DPYD: variants seen among roughly 807,000 people sequenced by gnomAD.
DPYD encodes dihydropyrimidine dehydrogenase [NADP(+)].
DPYD carries 109 observed loss-of-function variants against 116.2 expected under a neutral mutation model. That is an observed-to-expected ratio of 0.94 (90% CI 0.80 to 1.10). The LOEUF is 1.10. DPYD is among the 50% of genes least tolerant of loss of function. DPYD has a pLI of 0.00. For synonymous variants in DPYD, 440 were observed against 432.0 expected (o/e 1.02, Z -0.23); for missense variants, 1,302 against 1,254.5 (o/e 1.04, Z -0.57).
intron 19 of DPYD, among the ~76,000 whole-genome samples, chr1:97,207,151 A>C (rs1415753037): frequency 6.6e-6 from 1 of 152,118 alleles, no homozygotes; most frequent in African/African-American, 2.4e-5. Context: ...AAATAAAAAT[A>C]TTGTAATAGT....
chr1:97,146,806 A>AAT (rs1211044542), intron 20 of DPYD, among the ~76,000 whole-genome samples: 1 of 152,194 alleles, frequency 6.6e-6, no homozygotes, highest in Admixed American at 6.5e-5. Context: ...TTGGATGGTA[A>AAT]ATATGAATAT....
intron 14 of DPYD, among the ~76,000 whole-genome samples, chr1:97,397,915 G>T (rs967078181): frequency 5.9e-5 from 9 of 151,322 alleles, no homozygotes; most frequent in Non-Finnish European, 1.3e-4. Context: ...AAGAGTATTT[G>T]TAGTTTTACA....
At chr1:97,673,626 A>G (rs377440230) in intron 8 of DPYD, among the ~76,000 whole-genome samples, 68 of 152,290 alleles carry the variant, frequency 4.5e-4, no homozygotes, top group African/African-American at 1.6e-3. Context: ...GGTGGAAACA[A>G]ACATGTAACT....
chr1:97,208,728 A>G (rs1223348571), intron 19 of DPYD, among the ~76,000 whole-genome samples: 1 of 152,172 alleles, frequency 6.6e-6, no homozygotes. Context: ...CAATTATCAA[A>G]CAAAATTGTT....
chr1:97,245,509 A>G (rs1012898725), intron 18 of DPYD, among the ~76,000 whole-genome samples: 57 of 152,128 alleles, frequency 3.7e-4, no homozygotes, highest in African/African-American at 1.4e-3. Flanking sequence ...ACTTGAAGTA[A>G]TATTTCTCAT....
intron 20 of DPYD, among the ~76,000 whole-genome samples, chr1:97,179,208 A>G (rs989141317): frequency 6.6e-6 from 1 of 152,100 alleles, no homozygotes; most frequent in Non-Finnish European, 1.5e-5. Flanking sequence ...CTGTATCTCA[A>G]TAAAGATTAT....
At chr1:97,391,898 T>C (rs934828986) in intron 14 of DPYD, among the ~76,000 whole-genome samples, 1 of 152,036 alleles carries the variant, frequency 6.6e-6, no homozygotes, top group African/African-American at 2.4e-5. Flanking sequence ...TGATCATATG[T>C]CTGTTTCTTT....
At chr1:97,560,303 A>T (rs1652050011) in intron 11 of DPYD, among the ~76,000 whole-genome samples, 1 of 152,238 alleles carries the variant, frequency 6.6e-6, no homozygotes, top group Non-Finnish European at 1.5e-5. Flanking sequence ...CCAAGTAAAG[A>T]GGTAAATTCA....
intron 14 of DPYD, among the ~76,000 whole-genome samples, chr1:97,395,637 TG>T (rs1224518891): frequency 6.6e-6 from 1 of 152,056 alleles, no homozygotes; most frequent in Non-Finnish European, 1.5e-5. Flanking sequence ...TGTTCCCTCC[TG>T]GTTTCCATGC....
At chr1:97,125,577 G>A (rs1036630079) in intron 20 of DPYD, among the ~76,000 whole-genome samples, 1 of 152,060 alleles carries the variant, frequency 6.6e-6, no homozygotes, top group Admixed American at 6.6e-5. Flanking sequence ...AATTGCTATG[G>A]TCTGACTGTG....
chr1:97,634,276 A>G (rs983937349), intron 8 of DPYD, among the ~76,000 whole-genome samples: 4 of 152,144 alleles, frequency 2.6e-5, no homozygotes, highest in Non-Finnish European at 2.9e-5. Context: ...AAAAGATTCT[A>G]ATGCTAAGAA....
intron 1 of DPYD, among the ~76,000 whole-genome samples, chr1:97,892,752 T>C (rs1465897085): frequency 1.3e-5 from 2 of 151,808 alleles, no homozygotes; most frequent in Non-Finnish European, 2.9e-5. Context: ...AAAGGCCAAT[T>C]TTCCCTTTAT....
intron 7 of DPYD, among the ~76,000 whole-genome samples, chr1:97,685,840 A>T (rs1454067413): frequency 6.6e-6 from 1 of 152,218 alleles, no homozygotes; most frequent in African/African-American, 2.4e-5. Context: ...GAGAGGGCAC[A>T]AACAAAAGGA....
intron 20 of DPYD, among the ~76,000 whole-genome samples, chr1:97,169,559 T>TTTTATTTTAA: frequency 6.6e-6 from 1 of 151,468 alleles, no homozygotes; most frequent in East Asian, 1.9e-4. Flanking sequence ...TTTTATTTTA[T>TTTTATTTTAA]TTGTTATGGA....
intron 8 of DPYD, 34 bp downstream of exon 8, chr1:97,679,061 T>C (rs1399355511): frequency 4.8e-6 from 5 of 1,034,394 alleles, no homozygotes; most frequent in Non-Finnish European, 6.9e-6. Flanking sequence ...AAAAATACAT[T>C]ATAAATAAAT....
At chr1:97,123,122 C>A (rs1052817989) in intron 20 of DPYD, among the ~76,000 whole-genome samples, 7 of 152,094 alleles carry the variant, frequency 4.6e-5, no homozygotes, top group African/African-American at 1.4e-4. Context: ...AAAGGAAAAA[C>A]CTCAGTTTTC....
intron 2 of DPYD, among the ~76,000 whole-genome samples, chr1:97,863,605 T>C (rs1671229447): frequency 6.6e-6 from 1 of 151,922 alleles, no homozygotes; most frequent in Non-Finnish European, 1.5e-5. Flanking sequence ...TAGATCAATA[T>C]GTACTGCCCA....
At position 97,306,313 on chromosome 1, in the gene DPYD, G is replaced by A. The variant is rs368716749; in HGVS notation, c.2059-16C>T. ...GCTCTGGATCCTGTTCAAATAGGTC[G>A]GTTAAATATAGAACAAAATTAAAGA... On this transcript the variant is annotated splice_polypyrimidine_tract_variant and intron_variant, in intron 16 of 22. Transcript: ENST00000370192. The A allele has an allele frequency of 2.0e-5, 32 of 1,611,546 alleles. No individual in the cohort carries two copies. Among genetic ancestry groups the A allele is most frequent in the Admixed American group, 1.0e-4 (6 of 59,814 alleles).
intron 2 of DPYD, 63 bp downstream of exon 2, chr1:97,883,201 T>C (rs1264729917): frequency 9.4e-7 from 1 of 1,059,626 alleles, no homozygotes; most frequent in Non-Finnish European, 1.5e-6. Context: ...ATGTAAAATC[T>C]TGCCTTACAA....
Sources: gnomAD v4.1 joint callset for allele counts (sites outside exome capture counted in the v4.1 genomes callset) on GRCh38, gnomAD v4.1.1 for gene constraint, MANE v1.5 for transcripts, NCBI Gene and HGNC (gene_info 2026-07-23, HGNC 2026-07-21) for gene names.